Variants in NRG1 observed in about 807,000 individuals in gnomAD.
NRG1 encodes pro-neuregulin-1, membrane-bound isoform.
NRG1 carries 18 observed loss-of-function variants against 63.8 expected under a neutral mutation model. That is an observed-to-expected ratio of 0.28 (90% CI 0.19 to 0.42). The LOEUF is 0.42. Ranked by LOEUF, NRG1 falls within the 10% of genes least tolerant of loss-of-function variation. The pLI is 1.00. For missense variants in NRG1, 762 were observed against 814.7 expected, an observed-to-expected ratio of 0.94 and a Z score of 0.79; for synonymous variants, 302 against 301.3, an observed-to-expected ratio of 1.00 and a Z score of -0.02.
intron 1 of NRG1, among the ~76,000 whole-genome samples, chr8:32,008,752 G>T (rs1814227769): frequency 6.6e-6 from 1 of 152,072 alleles, no homozygotes; most frequent in Non-Finnish European, 1.5e-5. Flanking sequence ...CTAGTTTTCT[G>T]AAGAGCTGCG....
At chr8:32,027,466 T>TTCCTTCCTTCCCTCCCTCCC (rs1491191069) in intron 1 of NRG1, among the ~76,000 whole-genome samples, 7 of 60,860 alleles carry the variant, frequency 1.2e-4, no homozygotes, top group African/African-American at 5.6e-4. Flanking sequence ...CCTTCCTTCC[T>TTCCTTCCTTCCCTCCCTCCC]TCCCTCCCTC....
intron 1 of NRG1, among the ~76,000 whole-genome samples, chr8:32,088,966 A>C (rs745499350): frequency 7.9e-5 from 12 of 152,208 alleles, no homozygotes; most frequent in Non-Finnish European, 1.5e-4. Flanking sequence ...ACTAAGCTGC[A>C]CTGCCTCCCA....
At chr8:32,432,909 A>G (rs1818327408) in intron 1 of NRG1, among the ~76,000 whole-genome samples, 2 of 152,292 alleles carry the variant, frequency 1.3e-5, no homozygotes, top group Non-Finnish European at 1.5e-5. Flanking sequence ...GGTCAATTAC[A>G]CAATGATTAA....
chr8:31,755,957 A>AG (rs1350686998), intron 1 of NRG1, among the ~76,000 whole-genome samples: 5 of 152,156 alleles, frequency 3.3e-5, no homozygotes, highest in African/African-American at 1.2e-4. Context: ...AAAATCTGTT[A>AG]GGGCAATGTC....
chr8:32,308,585 C>T (rs1737030357), intron 1 of NRG1, among the ~76,000 whole-genome samples: 1 of 152,186 alleles, frequency 6.6e-6, no homozygotes, highest in Admixed American at 6.6e-5. Context: ...AGCATCAAAG[C>T]ATGATGTTGG....
At chr8:32,466,428 A>G (rs1823077318) in intron 1 of NRG1, among the ~76,000 whole-genome samples, 1 of 151,806 alleles carries the variant, frequency 6.6e-6, no homozygotes, top group African/African-American at 2.4e-5. Flanking sequence ...CTAAAAGTGC[A>G]TTTGAATATA....
At chr8:32,625,286 C>T (rs1849021687) in intron 5 of NRG1, among the ~76,000 whole-genome samples, 1 of 152,194 alleles carries the variant, frequency 6.6e-6, no homozygotes, top group East Asian at 1.9e-4. Flanking sequence ...TCAGCAAACT[C>T]TCAAAAACCA....
intron 1 of NRG1, among the ~76,000 whole-genome samples, chr8:32,387,806 ATGTTTCTTCTTAGTTC>A (rs1400237047): frequency 6.6e-6 from 1 of 152,126 alleles, no homozygotes; most frequent in African/African-American, 2.4e-5. Context: ...GAGTCTCAGC[ATGTTTCTTCTTAGTTC>A]TGTGTACACT....
chr8:31,959,238 T>C (rs1002601963), intron 1 of NRG1, among the ~76,000 whole-genome samples: 4 of 152,240 alleles, frequency 2.6e-5, no homozygotes, highest in Admixed American at 2.0e-4. Context: ...ACATTGGACT[T>C]GATTGCTTAC....
intron 7 of NRG1, among the ~76,000 whole-genome samples, chr8:32,748,465 G>T (rs1280303515): frequency 6.6e-6 from 1 of 151,932 alleles, no homozygotes; most frequent in East Asian, 1.9e-4. Flanking sequence ...AGAATGAAAA[G>T]TGTCATCCCT....
intron 1 of NRG1, among the ~76,000 whole-genome samples, chr8:31,887,219 A>AC (rs1412334079): frequency 6.6e-6 from 1 of 152,060 alleles, no homozygotes; most frequent in African/African-American, 2.4e-5. Context: ...TTCCCGTGAT[A>AC]GAGACCAACA....
At chr8:31,770,302 T>C (rs1586279826) in intron 1 of NRG1, among the ~76,000 whole-genome samples, 1 of 152,186 alleles carries the variant, frequency 6.6e-6, no homozygotes, top group East Asian at 1.9e-4. Flanking sequence ...AATTCAAAAA[T>C]ATTTGTAGCA....
intron 1 of NRG1, among the ~76,000 whole-genome samples, chr8:32,308,149 A>G (rs1228625239): frequency 6.6e-6 from 1 of 152,134 alleles, no homozygotes; most frequent in Non-Finnish European, 1.5e-5. Flanking sequence ...GACATTTCTA[A>G]CTAGGAAACT....
intron 1 of NRG1, among the ~76,000 whole-genome samples, chr8:32,362,706 ACT>A (rs1027679662): frequency 3.3e-5 from 5 of 152,166 alleles, no homozygotes; most frequent in Non-Finnish European, 7.4e-5. Flanking sequence ...CCAAGTAAAC[ACT>A]CTCAAATTGC....
intron 1 of NRG1, among the ~76,000 whole-genome samples, chr8:32,454,571 C>CT (rs1429244177): frequency 9.3e-5 from 13 of 140,332 alleles, no homozygotes; most frequent in African/African-American, 2.6e-4. Context: ...CTTCCCATCC[C>CT]TCTTTTTTTT....
At chr8:31,852,421 C>T (rs1308167254) in intron 1 of NRG1, among the ~76,000 whole-genome samples, 1 of 152,168 alleles carries the variant, frequency 6.6e-6, no homozygotes. Flanking sequence ...TGAGAAGTGT[C>T]TGTTCACGTC....
chr8:32,325,508 C>T (rs886232312), intron 1 of NRG1, among the ~76,000 whole-genome samples: 9 of 152,258 alleles, frequency 5.9e-5, no homozygotes, highest in African/African-American at 1.9e-4. Flanking sequence ...GCCTTCTGAG[C>T]AGCTGGGACT....
intron 1 of NRG1, among the ~76,000 whole-genome samples, chr8:31,801,001 C>T (rs527548603): frequency 1.8e-5 from 2 of 109,020 alleles, no homozygotes; most frequent in South Asian, 8.9e-4. Flanking sequence ...ACACCACGCC[C>T]GCCAATTTTT....
chr8:32,624,034 A>C (rs1195346856), intron 5 of NRG1, among the ~76,000 whole-genome samples: 1 of 152,210 alleles, frequency 6.6e-6, no homozygotes, highest in African/African-American at 2.4e-5. Flanking sequence ...ACATTTTATA[A>C]GGCATATTTT....
Sources: allele counts gnomAD v4.1 joint callset (sites outside exome capture counted in the v4.1 genomes callset), GRCh38; gene constraint gnomAD v4.1.1; transcripts MANE v1.5; gene names NCBI Gene and HGNC (gene_info 2026-07-23, HGNC 2026-07-21).